SLC35F4: variants seen among roughly 807,000 people sequenced by gnomAD.
The protein encoded by SLC35F4 is chromosome 14 open reading frame 36.
In SLC35F4, 24 loss-of-function variants were observed where a neutral mutation model predicts 44.2. That is an observed-to-expected ratio of 0.54 (90% CI 0.39 to 0.76). The LOEUF is 0.76. Ranked by LOEUF, SLC35F4 falls within the 30% of genes least tolerant of loss-of-function variation. The probability of loss-of-function intolerance (pLI) is 0.00; values close to 1 mark genes in which losing one functional copy is unlikely to be tolerated. For synonymous variants in SLC35F4, 238 were observed against 223.6 expected (o/e 1.06, Z -0.57); for missense variants, 562 against 586.1 (o/e 0.96, Z 0.42).
At chr14:57,811,225 T>C (rs1881925770) in intron 1 of SLC35F4, among the ~76,000 whole-genome samples, 1 of 152,102 alleles carries the variant, frequency 6.6e-6, no homozygotes. Flanking sequence ...TTTAGAAAGG[T>C]GGGGAAAGGT....
At position 57,650,370 on chromosome 14, in the gene SLC35F4, T is replaced by G. The variant is rs539561417; in HGVS notation, c.104-56246A>C. 1.1e-4 allele frequency among the ~76,000 whole-genome samples: 16 copies of G among 152,212 alleles called. No individual in the cohort carries two copies. The South Asian group carries it at 3.3e-3, about 32-fold the overall frequency. On this transcript the variant is annotated intron_variant, in intron 1 of 7. Transcript: ENST00000556826. ...TTGTTATTTTCCTCCCTCCCAAATA[T>G]TTCTCTCCTCAGACATTTACATCTC...
At chr14:57,887,087 G>A (rs545037752) in intron 1 of SLC35F4, among the ~76,000 whole-genome samples, 5 of 152,304 alleles carry the variant, frequency 3.3e-5, no homozygotes, top group African/African-American at 1.2e-4. Context: ...TAAGAAATCT[G>A]TGGGGAATGC....
intron 1 of SLC35F4, among the ~76,000 whole-genome samples, chr14:57,614,610 G>C (rs1257357307): frequency 6.6e-6 from 1 of 152,234 alleles, no homozygotes; most frequent in Non-Finnish European, 1.5e-5. Flanking sequence ...GAAGTAAAAA[G>C]ACTTAAAAGG....
At chr14:57,950,143 G>A (rs149082910) in intron 1 of SLC35F4, among the ~76,000 whole-genome samples, 15 of 151,900 alleles carry the variant, frequency 9.9e-5, no homozygotes, top group East Asian at 5.8e-4. Context: ...TAGATTTCTC[G>A]TCTTCCTCAG....
At chr14:57,964,739 G>A (rs987250895) in intron 1 of SLC35F4, among the ~76,000 whole-genome samples, 2 of 151,984 alleles carry the variant, frequency 1.3e-5, no homozygotes, top group Non-Finnish European at 2.9e-5. Context: ...GGAAGGTAGA[G>A]GAGTCTCAGA....
intron 1 of SLC35F4, among the ~76,000 whole-genome samples, chr14:57,725,077 G>T (rs570051553): frequency 1.4e-4 from 22 of 152,336 alleles, no homozygotes; most frequent in South Asian, 8.3e-4. Context: ...TGGATCCCAA[G>T]TGAGTGCTCA....
chr14:57,755,388 A>G (rs914045104), intron 1 of SLC35F4, among the ~76,000 whole-genome samples: 1 of 152,196 alleles, frequency 6.6e-6, no homozygotes, highest in African/African-American at 2.4e-5. Context: ...CAGAAATAAG[A>G]GAGGCAAGCA....
chr14:57,637,441 T>C (rs2073056192), intron 1 of SLC35F4, among the ~76,000 whole-genome samples: 1 of 152,140 alleles, frequency 6.6e-6, no homozygotes, highest in Non-Finnish European at 1.5e-5. Context: ...GTTGCCATGC[T>C]GAAGCGCCCA....
intron 1 of SLC35F4, among the ~76,000 whole-genome samples, chr14:57,712,636 TA>T (rs1705384547): frequency 6.6e-6 from 1 of 152,240 alleles, no homozygotes; most frequent in South Asian, 2.1e-4. Context: ...CACAGTTAAT[TA>T]CCTTCTTCAT....
At chr14:57,785,843 G>C (rs184021483) in intron 1 of SLC35F4, among the ~76,000 whole-genome samples, 2 of 152,120 alleles carry the variant, frequency 1.3e-5, no homozygotes, top group African/African-American at 4.8e-5. Context: ...AGAGAAGCAG[G>C]GGTAAGACTC....
intron 1 of SLC35F4, among the ~76,000 whole-genome samples, chr14:57,670,644 G>C (rs1198483296): frequency 1.3e-5 from 2 of 151,982 alleles, no homozygotes; most frequent in Admixed American, 1.3e-4. Context: ...GAGCGGTTTT[G>C]AGTGAGTCTT....
intron 1 of SLC35F4, among the ~76,000 whole-genome samples, chr14:57,949,642 A>C (rs1307532158): frequency 1.3e-5 from 2 of 152,064 alleles, no homozygotes; most frequent in Non-Finnish European, 2.9e-5. Flanking sequence ...AAGCTTTAAG[A>C]AGGTTCTATT....
chr14:57,725,952 C>A (rs753586651), intron 1 of SLC35F4, among the ~76,000 whole-genome samples: 1 of 152,128 alleles, frequency 6.6e-6, no homozygotes, highest in Non-Finnish European at 1.5e-5. Flanking sequence ...TGTCTTACTT[C>A]CAGAGGGAGG....
chr14:57,770,356 G>A lies in SLC35F4; in HGVS notation c.103+95367C>T, dbSNP rs558218367. Among the ~76,000 whole-genome samples, 4 of 152,326 alleles carry A rather than the reference G, an allele frequency of 2.6e-5. No individual in the cohort carries two copies. In the East Asian group the frequency reaches 7.7e-4, roughly 29 times the overall value. On this transcript the variant is annotated intron_variant, in intron 1 of 7. Coordinates refer to ENST00000556826, the MANE Select transcript of SLC35F4 (RefSeq NM_001306087.2). ...AGTATGCCAGCTTGCAGCATTTGAG[G>A]TTGTTTCGTATGTATGTTGTAGGGG...
chr14:57,790,581 A>C (rs1026297270), intron 1 of SLC35F4, among the ~76,000 whole-genome samples: 1 of 152,196 alleles, frequency 6.6e-6, no homozygotes, highest in African/African-American at 2.4e-5. Context: ...TACAGATTCG[A>C]TGCTCTTCTC....
At chr14:57,582,248 TGCGGTAGCATGATCTTG>T (rs1171121730) in intron 3 of SLC35F4, among the ~76,000 whole-genome samples, 3 of 152,132 alleles carry the variant, frequency 2.0e-5, no homozygotes, top group Non-Finnish European at 2.9e-5. Context: ...CAGGCTGGAA[TGCGGTAGCATGATCTTG>T]GCTCACTGCA....
At chr14:57,612,691 A>G (rs2071586883) in intron 1 of SLC35F4, among the ~76,000 whole-genome samples, 1 of 152,228 alleles carries the variant, frequency 6.6e-6, no homozygotes, top group Non-Finnish European at 1.5e-5. Flanking sequence ...ATTAAAGATA[A>G]CATCTAATTA....
chr14:57,867,085 T>A (rs900395717), upstream of SLC35F4, among the ~76,000 whole-genome samples: 2 of 151,512 alleles, frequency 1.3e-5, no homozygotes, highest in African/African-American at 4.8e-5. Context: ...TTAGAGGCAA[T>A]TTAGGTCCAC....
At chr14:57,869,082 A>C (rs1400134378), upstream of SLC35F4, among the ~76,000 whole-genome samples, 1 of 152,124 alleles carries the variant, frequency 6.6e-6, no homozygotes, top group African/African-American at 2.4e-5. Context: ...GAGGGTATCT[A>C]TCTGTGATCC....
Sources: gnomAD v4.1 joint callset for allele counts (sites outside exome capture counted in the v4.1 genomes callset) on GRCh38, gnomAD v4.1.1 for gene constraint, MANE v1.5 for transcripts, NCBI Gene and HGNC (gene_info 2026-07-23, HGNC 2026-07-21) for gene names.